CASK: variants seen among roughly 807,000 people sequenced by gnomAD.
CASK encodes calcium/calmodulin dependent serine protein kinase.
A neutral mutation model predicts 82.9 loss-of-function variants in CASK; 4 were observed. The ratio of observed to expected loss-of-function variants is 0.05; its 90% CI spans 0.02 to 0.11. The LOEUF is 0.11. Ranked by LOEUF, CASK falls within the 10% of genes least tolerant of loss-of-function variation. The pLI is 1.00. For synonymous variants in CASK, 259 were observed against 253.5 expected (o/e 1.02, Z -0.20); for missense variants, 358 against 720.9 (o/e 0.50, Z 5.76).
intron 8 of CASK, among the ~76,000 whole-genome samples, chrX:41,642,394 C>T (rs2066674879): frequency 8.9e-6 from 1 of 112,054 alleles, no homozygotes; most frequent in Non-Finnish European, 1.9e-5. Flanking sequence ...TCTCCACATC[C>T]TCTCCAGCAC....
chrX:41,534,684 AAG>A lies in CASK; in HGVS notation c.2317+20_2317+21del, dbSNP rs2064851484. On this transcript the variant is annotated intron_variant, in intron 24 of 26. Transcript: ENST00000378163. ...AAAGTGATAGGAAAAATATAATGAAAAGAGATTGAGACATTGCTTACGTGGAA... is the reference window on the plus strand; with the variant it reads ...AAAGTGATAGGAAAAATATAATGAAAAGATTGAGACATTGCTTACGTGGAA... The A allele has an allele frequency of 8.9e-7, 1 of 1,126,764 alleles. No homozygotes were observed. The highest frequency in any genetic ancestry group is 2.2e-5 in the Admixed American group (1 of 45,517). The allele number at this position is 1,126,764 out of a possible 1,213,427, so 92.9% of individuals were successfully genotyped here.
At chrX:41,733,451 A>G (rs1279359407) in intron 5 of CASK, among the ~76,000 whole-genome samples, 1 of 111,693 alleles carries the variant, frequency 9.0e-6, no homozygotes, top group Non-Finnish European at 1.9e-5. Context: ...ATGTTAATAT[A>G]ATAATAAAGA....
chrX:41,854,224 G>GCGCGCGCGCACACA (rs1367817089), intron 1 of CASK, among the ~76,000 whole-genome samples: 6 of 81,716 alleles, frequency 7.3e-5, no homozygotes, highest in African/African-American at 2.8e-4. Flanking sequence ...GCGGGCGCGC[G>GCGCGCGCGCACACA]CACACACACA....
intron 2 of CASK, among the ~76,000 whole-genome samples, chrX:41,796,770 T>C (rs1445372207): frequency 9.0e-6 from 1 of 111,612 alleles, no homozygotes; most frequent in South Asian, 3.7e-4. Flanking sequence ...TGCCAAAACC[T>C]GTCCATTCTA....
intron 3 of CASK, among the ~76,000 whole-genome samples, chrX:41,756,406 A>G (rs955716516): frequency 2.2e-4 from 25 of 112,401 alleles, no homozygotes; most frequent in African/African-American, 7.4e-4. Flanking sequence ...ACAAACTGTG[A>G]ACAACCCAAT....
At chrX:41,727,732 T>C in intron 5 of CASK, 2 of 1,205,981 alleles carry the variant, frequency 1.7e-6, no homozygotes, top group Non-Finnish European at 2.2e-6. Context: ...AACCTGTACG[T>C]CCATTATGGA....
At chrX:41,737,730 T>C (rs972106826) in intron 5 of CASK, among the ~76,000 whole-genome samples, 2 of 112,688 alleles carry the variant, frequency 1.8e-5, no homozygotes, top group African/African-American at 6.4e-5. Context: ...AATAATTCAT[T>C]CAAAATAAAA....
At chrX:41,563,803 C>G (rs2065268683) in intron 16 of CASK, among the ~76,000 whole-genome samples, 1 of 111,862 alleles carries the variant, frequency 8.9e-6, no homozygotes, top group South Asian at 3.7e-4. Context: ...ACAAAACTTT[C>G]TTAAAACTAA....
intron 8 of CASK, among the ~76,000 whole-genome samples, 170 bp from the exon 9 acceptor site, chrX:41,636,831 A>G (rs1184200643): frequency 8.9e-6 from 1 of 112,393 alleles, no homozygotes; most frequent in Non-Finnish European, 1.9e-5. Context: ...AGGGATATTA[A>G]GGTTAAACTG....
At chrX:41,523,247 A>T (rs373503831) in intron 26 of CASK, among the ~76,000 whole-genome samples, 1 of 112,519 alleles carries the variant, frequency 8.9e-6, no homozygotes, top group Non-Finnish European at 1.9e-5. Flanking sequence ...AATATGAGTA[A>T]CATAGGTAAA....
intron 1 of CASK, among the ~76,000 whole-genome samples, chrX:41,894,832 C>T (rs1478270283): frequency 2.7e-5 from 3 of 111,585 alleles, no homozygotes; most frequent in East Asian, 2.8e-4. Flanking sequence ...AATCAGAAAG[C>T]GCTTAGCATT....
At chrX:41,878,326 G>A (rs2071872850) in intron 1 of CASK, among the ~76,000 whole-genome samples, 1 of 111,377 alleles carries the variant, frequency 9.0e-6, no homozygotes, top group African/African-American at 3.3e-5. Flanking sequence ...TTAGGTCATT[G>A]TCCTTGGCTT....
At chrX:41,719,734 T>C (rs947646128) in intron 5 of CASK, among the ~76,000 whole-genome samples, 12 of 111,722 alleles carry the variant, frequency 1.1e-4, no homozygotes, top group African/African-American at 3.3e-4. Context: ...TCTGTCCCGA[T>C]TGGCTAGCAA....
chrX:41,859,731 T>C (rs888287701), intron 1 of CASK, among the ~76,000 whole-genome samples: 1 of 111,580 alleles, frequency 9.0e-6, no homozygotes, highest in African/African-American at 3.3e-5. Context: ...TATAACAATG[T>C]TGGCTGTGAG....
intron 2 of CASK, among the ~76,000 whole-genome samples, chrX:41,838,190 C>T (rs1424737562): frequency 5.4e-5 from 6 of 111,165 alleles, no homozygotes; most frequent in Admixed American, 1.9e-4. Context: ...AAGTGTGGAG[C>T]GATATCTTAT....
intron 2 of CASK, among the ~76,000 whole-genome samples, chrX:41,833,276 G>A (rs191728422): frequency 1.8e-5 from 2 of 111,116 alleles, no homozygotes; most frequent in Admixed American, 9.6e-5. Flanking sequence ...CTAATGAATC[G>A]ATATATATCT....
intron 25 of CASK, among the ~76,000 whole-genome samples, chrX:41,526,293 G>C (rs1471486781): frequency 9.0e-6 from 1 of 111,457 alleles, no homozygotes; most frequent in African/African-American, 3.3e-5. Flanking sequence ...AGATGGGAAA[G>C]AATCCTATTT....
intron 8 of CASK, among the ~76,000 whole-genome samples, chrX:41,653,013 G>A (rs1433304184): frequency 1.8e-5 from 2 of 112,184 alleles, no homozygotes; most frequent in Admixed American, 9.4e-5. Context: ...TGTGGGATGT[G>A]ATACTATAGT....
chrX:41,579,739 C>G (rs2065541088), intron 14 of CASK, among the ~76,000 whole-genome samples: 1 of 111,063 alleles, frequency 9.0e-6, no homozygotes, highest in African/African-American at 3.3e-5. Context: ...AAAATAATAA[C>G]TCATAGCATC....
Sources: gnomAD v4.1 joint callset for allele counts (sites outside exome capture counted in the v4.1 genomes callset) on GRCh38, gnomAD v4.1.1 for gene constraint, MANE v1.5 for transcripts, NCBI Gene and HGNC (gene_info 2026-07-23, HGNC 2026-07-21) for gene names.